CAMK1D: variants seen among roughly 807,000 people sequenced by gnomAD.
CAMK1D encodes the protein calcium/calmodulin-dependent protein kinase type 1D.
CAMK1D carries 9 observed loss-of-function variants against 47.7 expected under a neutral mutation model. That is an observed-to-expected ratio of 0.19 (90% confidence interval 0.11 to 0.33). CAMK1D has a LOEUF of 0.33. CAMK1D is among the 10% of genes least tolerant of loss of function. CAMK1D has a pLI of 1.00. For missense variants in CAMK1D, 291 were observed against 488.7 expected (o/e 0.60, Z 3.81); for synonymous variants, 184 against 184.9 (o/e 0.99, Z 0.04).
At chr10:12,754,007 C>T (rs1272828520) in intron 3 of CAMK1D, among the ~76,000 whole-genome samples, 1 of 152,214 alleles carries the variant, frequency 6.6e-6, no homozygotes, top group African/African-American at 2.4e-5. Context: ...TCTCCTGCCT[C>T]AGCCTCCCGA....
At chr10:12,626,895 C>T (rs1839233953) in intron 2 of CAMK1D, among the ~76,000 whole-genome samples, 1 of 152,154 alleles carries the variant, frequency 6.6e-6, no homozygotes, top group Non-Finnish European at 1.5e-5. Context: ...GTCACACAGA[C>T]ACACGCAAAT....
intron 1 of CAMK1D, among the ~76,000 whole-genome samples, chr10:12,410,303 G>T (rs1007815547): frequency 2.8e-4 from 42 of 152,152 alleles, no homozygotes; most frequent in African/African-American, 9.7e-4. Flanking sequence ...GTGTAACTCT[G>T]TATTTTCTTG....
rs557495679 is a variant in CAMK1D at position 12,597,583 on chromosome 10, T to C, written c.224+44227T>C. On this transcript the variant is annotated intron_variant, in intron 2 of 10. Coordinates refer to ENST00000619168, the MANE Select transcript of CAMK1D (RefSeq NM_153498.4). ...CTATGCAGAGGCACGTGACTTTTCA[T>C]AGAGGGGCACTTCCATGGCCCAGTT... is the stretch of plus-strand genomic sequence containing the variant. 1.2e-4 allele frequency among the ~76,000 whole-genome samples: 19 copies of C among 152,262 alleles called. No homozygotes were observed. In the South Asian group the frequency reaches 3.5e-3, roughly 28 times the overall value.
intron 1 of CAMK1D, among the ~76,000 whole-genome samples, chr10:12,406,116 C>A (rs1839415501): frequency 6.6e-6 from 1 of 152,114 alleles, no homozygotes; most frequent in Non-Finnish European, 1.5e-5. Context: ...GAAAACAGCT[C>A]ATTGTGTTTC....
chr10:12,752,521 A>G (rs1042764044), intron 3 of CAMK1D, among the ~76,000 whole-genome samples: 1 of 152,204 alleles, frequency 6.6e-6, no homozygotes. Context: ...TTGTTACACT[A>G]AAAGCCAGAC....
intron 1 of CAMK1D, among the ~76,000 whole-genome samples, chr10:12,372,988 A>T (rs1178168931): frequency 6.6e-6 from 1 of 152,168 alleles, no homozygotes; most frequent in Non-Finnish European, 1.5e-5. Flanking sequence ...TGGTAACGGA[A>T]TTGTTTTTCT....
At chr10:12,423,409 G>A (rs968555893) in intron 1 of CAMK1D, among the ~76,000 whole-genome samples, 2 of 152,168 alleles carry the variant, frequency 1.3e-5, no homozygotes, top group African/African-American at 2.4e-5. Context: ...TTGTTGCCTA[G>A]GAGGCTGAGG....
chr10:12,543,128 A>C (rs1037217331), intron 1 of CAMK1D, among the ~76,000 whole-genome samples: 5 of 151,860 alleles, frequency 3.3e-5, no homozygotes, highest in Non-Finnish European at 5.9e-5. Flanking sequence ...GCTCACTGCA[A>C]CCTCCACTTC....
At chr10:12,555,054 T>A (rs934244530) in intron 2 of CAMK1D, among the ~76,000 whole-genome samples, 1 of 152,230 alleles carries the variant, frequency 6.6e-6, no homozygotes, top group African/African-American at 2.4e-5. Flanking sequence ...TTGCTATTAA[T>A]AAAAGATGTT....
chr10:12,670,599 G>A (rs1302439653), intron 3 of CAMK1D, among the ~76,000 whole-genome samples: 1 of 151,824 alleles, frequency 6.6e-6, no homozygotes, highest in African/African-American at 2.4e-5. Flanking sequence ...CCCAGGCGGA[G>A]TGCAATGGCG....
chr10:12,713,809 T>C (rs1417139614), intron 3 of CAMK1D, among the ~76,000 whole-genome samples: 1 of 152,248 alleles, frequency 6.6e-6, no homozygotes, highest in East Asian at 1.9e-4. Flanking sequence ...TGGATGCTTT[T>C]GTTGGAACAG....
chr10:12,736,893 T>C (rs978557356), intron 3 of CAMK1D, among the ~76,000 whole-genome samples: 2 of 152,220 alleles, frequency 1.3e-5, no homozygotes, highest in Non-Finnish European at 2.9e-5. Context: ...CTCTCTGGCT[T>C]TCCGGTCTTC....
chr10:12,484,093 G>C (rs986005366), intron 1 of CAMK1D, among the ~76,000 whole-genome samples: 1 of 152,170 alleles, frequency 6.6e-6, no homozygotes, highest in Non-Finnish European at 1.5e-5. Flanking sequence ...TAGAAGGCAG[G>C]CTTGGGTGGC....
chr10:12,676,264 A>G (rs1840806259), intron 3 of CAMK1D, among the ~76,000 whole-genome samples: 1 of 152,192 alleles, frequency 6.6e-6, no homozygotes, highest in East Asian at 1.9e-4. Context: ...AGAATCACTT[A>G]TCTTAATGCT....
intron 1 of CAMK1D, among the ~76,000 whole-genome samples, chr10:12,506,462 A>T (rs1383738859): frequency 6.6e-6 from 1 of 152,120 alleles, no homozygotes; most frequent in Non-Finnish European, 1.5e-5. Context: ...GGGAAATGTA[A>T]GTTTCTCTAC....
chr10:12,774,723 T>A (rs1180974621), intron 5 of CAMK1D, among the ~76,000 whole-genome samples: 1 of 152,158 alleles, frequency 6.6e-6, no homozygotes, highest in African/African-American at 2.4e-5. Flanking sequence ...CTGCCTGAGC[T>A]CCGCCTCCTG....
At chr10:12,722,638 T>C (rs1423819319) in intron 3 of CAMK1D, among the ~76,000 whole-genome samples, 1 of 152,080 alleles carries the variant, frequency 6.6e-6, no homozygotes, top group African/African-American at 2.4e-5. Flanking sequence ...CAATAGCCAT[T>C]TGGCAAATGT....
At chr10:12,799,379 A>G (rs1219157382) in intron 6 of CAMK1D, among the ~76,000 whole-genome samples, 1 of 152,120 alleles carries the variant, frequency 6.6e-6, no homozygotes, top group African/African-American at 2.4e-5. Context: ...CAGATGCGTA[A>G]CTGCTTACCC....
intron 1 of CAMK1D, among the ~76,000 whole-genome samples, chr10:12,485,357 T>A (rs573315566): frequency 6.6e-6 from 1 of 152,262 alleles, no homozygotes; most frequent in South Asian, 2.1e-4. Context: ...GGATTCTTTC[T>A]GGTTGTGGAG....
Sources: gnomAD v4.1 joint callset for allele counts (sites outside exome capture counted in the v4.1 genomes callset) on GRCh38, gnomAD v4.1.1 for gene constraint, MANE v1.5 for transcripts, NCBI Gene and HGNC (gene_info 2026-07-23, HGNC 2026-07-21) for gene names.